The following PRDX1 variants were observed in gnomAD, a reference collection of about 807,000 sequenced individuals.
PRDX1 encodes peroxiredoxin 1.
PRDX1 carries 19 observed loss-of-function variants against 20.7 expected under a neutral mutation model. That is an observed-to-expected ratio of 0.92 (90% CI 0.64 to 1.35). PRDX1 has a LOEUF of 1.35. Among genes scored for constraint, PRDX1 ranks in the 40% most tolerant of loss-of-function variants. PRDX1 has a pLI of 0.00. For missense variants in PRDX1, 226 were observed against 240.0 expected, an observed-to-expected ratio of 0.94 and a Z score of 0.38; for synonymous variants, 89 against 83.9, an observed-to-expected ratio of 1.06 and a Z score of -0.33.
At chr1:45,515,090 C>G in intron 3 of PRDX1, 95 bp from the exon 4 acceptor site, 1 of 1,520,700 alleles carries the variant, frequency 6.6e-7, no homozygotes, top group Non-Finnish European at 8.9e-7. Flanking sequence ...ATCTAACTTT[C>G]CAAAAAGACT....
At chr1:45,514,197 A>G (rs1277506397) in intron 5 of PRDX1, among the ~76,000 whole-genome samples, 1 of 152,194 alleles carries the variant, frequency 6.6e-6, no homozygotes, top group African/African-American at 2.4e-5. Context: ...TTCATGATGC[A>G]GAGACCTTTG....
Position 45,514,525 on chromosome 1 carries a change from T to C in PRDX1, c.496A>G (p.Thr166Ala). 1 of 1,614,104 alleles carries C rather than the reference T, an allele frequency of 6.2e-7. No homozygotes were observed. The highest frequency in any genetic ancestry group is 1.7e-4 in the Middle Eastern group (1 of 6,060). The change falls in exon 5 of 6, where the codon ACT becomes GCT. Residue 166 changes from threonine to alanine, a missense_variant. By Grantham distance (58) the Thr-to-Ala change is moderately conservative (BLOSUM62 0). Coordinates refer to ENST00000319248, the MANE Select transcript of PRDX1 (RefSeq NM_181697.3). ...GGCTTACCTTCCCCATGTTTGTCAG[T>C]GAACTGGAAGGCCTGAACTAGTCTC... ...TLRLVQAFQF[T>A]DKHGEVCPAG...
Position 45,520,205 on chromosome 1 carries a change from C to CAAAAAAAAAAAAAAAA in PRDX1, c.-11-1167_-11-1152dup, listed in dbSNP as rs59260423. ...GGGCAACAGAGTGAGACTCTGTCTC[C>CAAAAAAAAAAAAAAAA]AAAAAAAAAAAAAAAAAAAAGAGGC... On this transcript the variant is annotated intron_variant, in intron 1 of 5. Transcript: ENST00000319248. 8.0e-4 allele frequency among the ~76,000 whole-genome samples: 73 copies of CAAAAAAAAAAAAAAAA among 91,014 alleles called. 2 individuals carry two copies. Among genetic ancestry groups the CAAAAAAAAAAAAAAAA allele is most frequent in the African/African-American group, 2.3e-3 (50 of 21,934 alleles). The allele number at this position is 91,014 out of a possible 152,430, so 59.7% of individuals were successfully genotyped here.
chr1:45,513,540 T>C (rs1290531877), intron 5 of PRDX1, among the ~76,000 whole-genome samples: 1 of 152,216 alleles, frequency 6.6e-6, no homozygotes, highest in African/African-American at 2.4e-5. Flanking sequence ...AGATTGTTAC[T>C]GTCTCTGTGT....
chr1:45,520,723 CAAA>C (rs71052895), intron 1 of PRDX1, among the ~76,000 whole-genome samples: 4 of 57,542 alleles, frequency 7.0e-5, no homozygotes, highest in African/African-American at 1.5e-4. Context: ...GACTCCGTCT[CAAA>C]AAAAAAAAAA....
At chr1:45,520,835 CAG>C (rs1214544937) in intron 1 of PRDX1, among the ~76,000 whole-genome samples, 1 of 151,654 alleles carries the variant, frequency 6.6e-6, no homozygotes, top group African/African-American at 2.4e-5. Context: ...ATTCGGGAGA[CAG>C]GGGTTGCAGT....
chr1:45,515,857 C>G, intron 2 of PRDX1, 50 bp from the exon 3 acceptor site: 1 of 1,484,732 alleles, frequency 6.7e-7, no homozygotes, highest in Non-Finnish European at 9.0e-7. Flanking sequence ...GACTTCCTTG[C>G]TTTATATTTT....
intron 5 of PRDX1, among the ~76,000 whole-genome samples, chr1:45,513,992 G>A (rs564031319): frequency 6.6e-6 from 1 of 152,310 alleles, no homozygotes; most frequent in Admixed American, 6.5e-5. Context: ...CAAGAGGAAG[G>A]CATCTGTCTC....
intron 5 of PRDX1, among the ~76,000 whole-genome samples, chr1:45,514,045 A>G (rs1051584960): frequency 1.3e-5 from 2 of 152,156 alleles, no homozygotes; most frequent in African/African-American, 4.8e-5. Flanking sequence ...GTAAAACCCA[A>G]TTGTATGTTC....
intron 1 of PRDX1, among the ~76,000 whole-genome samples, chr1:45,521,216 G>A (rs955143812): frequency 1.3e-5 from 2 of 152,152 alleles, no homozygotes; most frequent in Non-Finnish European, 2.9e-5. Flanking sequence ...GGCCCCTTCA[G>A]GGGATCTGCC....
At chr1:45,517,409 A>G (rs1013695285) in intron 2 of PRDX1, among the ~76,000 whole-genome samples, 2 of 152,174 alleles carry the variant, frequency 1.3e-5, no homozygotes, top group African/African-American at 2.4e-5. Context: ...CAACTGTCCC[A>G]GGAGATCGAG....
chr1:45,513,740 G>A (rs1205558697), intron 5 of PRDX1, among the ~76,000 whole-genome samples: 1 of 152,208 alleles, frequency 6.6e-6, no homozygotes, highest in Non-Finnish European at 1.5e-5. Flanking sequence ...CTTGAAGGCA[G>A]CATGCTCGTT....
intron 2 of PRDX1, among the ~76,000 whole-genome samples, chr1:45,517,025 A>T (rs1193295776): frequency 6.6e-6 from 1 of 151,446 alleles, no homozygotes; most frequent in Non-Finnish European, 1.5e-5. Flanking sequence ...CCACCTCAAA[A>T]AAAAAAAAAA....
chr1:45,521,320 G>A (rs1222097262), intron 1 of PRDX1, among the ~76,000 whole-genome samples: 1 of 152,132 alleles, frequency 6.6e-6, no homozygotes, highest in Non-Finnish European at 1.5e-5. Context: ...GTGCTTCAGC[G>A]GGGACATTTG....
intron 2 of PRDX1, among the ~76,000 whole-genome samples, chr1:45,517,000 G>C (rs1296752203): frequency 2.2e-5 from 3 of 133,400 alleles, no homozygotes; most frequent in Admixed American, 1.6e-4. Flanking sequence ...CAGCCTGTGC[G>C]ACAAGATCAA....
At chr1:45,521,035 A>T (rs1003607640) in intron 1 of PRDX1, among the ~76,000 whole-genome samples, 4 of 152,228 alleles carry the variant, frequency 2.6e-5, no homozygotes, top group Admixed American at 6.5e-5. Flanking sequence ...ACTGTTTTTT[A>T]AAAAGTCCTT....
At chr1:45,512,921 GGTGCTAGCCAA>G (rs1324112885) in intron 5 of PRDX1, 2 of 152,014 alleles carry the variant, frequency 1.3e-5, no homozygotes, top group African/African-American at 4.8e-5. Flanking sequence ...AAGATTACTT[GGTGCTAGCCAA>G]GCTAGCACCT....
intron 5 of PRDX1, chr1:45,512,022 A>AGGCTAGCC (rs1459505762): frequency 6.6e-6 from 1 of 150,460 alleles, no homozygotes; most frequent in African/African-American, 2.5e-5. Flanking sequence ...AATGTGCCTC[A>AGGCTAGCC]GGCTAGCCTG....
chr1:45,511,643 GAAATTT>G, intron 5 of PRDX1: 1 of 357,924 alleles, frequency 2.8e-6, no homozygotes, highest in Non-Finnish European at 5.0e-6. Flanking sequence ...TGTAGCACTT[GAAATTT>G]AAATTTTCCA....
Sources: allele counts gnomAD v4.1 joint callset (sites outside exome capture counted in the v4.1 genomes callset), GRCh38; gene constraint gnomAD v4.1.1; transcripts MANE v1.5; gene names NCBI Gene and HGNC (gene_info 2026-07-23, HGNC 2026-07-21).